Variants in BICC1 observed in about 807,000 individuals in gnomAD.
The protein encoded by BICC1 is BicC family RNA binding protein 1, also known as protein bicaudal C homolog 1.
In BICC1, 43 loss-of-function variants were observed where a neutral mutation model predicts 111.0. That is an observed-to-expected ratio of 0.39 (90% CI 0.30 to 0.50). The LOEUF is 0.50. Among genes scored for constraint, BICC1 ranks in the 20% least tolerant of loss-of-function variants. The pLI, the probability that BICC1 is intolerant of heterozygous loss-of-function variation, is 0.88. For missense variants in BICC1, 1,091 were observed against 1,203.2 expected (o/e 0.91, Z 1.38); for synonymous variants, 467 against 434.4 (o/e 1.07, Z -0.93).
chr10:58,814,029 T>G (rs761286794), intron 18 of BICC1, 43 bp downstream of exon 18: 1 of 1,607,010 alleles, frequency 6.2e-7, no homozygotes, highest in South Asian at 1.1e-5. Flanking sequence ...ATCCCCAGAT[T>G]AGAATGTGTT....
At chr10:58,525,261 C>T (rs2131836875) in intron 1 of BICC1, among the ~76,000 whole-genome samples, 1 of 122,856 alleles carries the variant, frequency 8.1e-6, no homozygotes, top group African/African-American at 2.7e-5. Context: ...ATAACATGCA[C>T]ATGTATGTTT....
intron 3 of BICC1, among the ~76,000 whole-genome samples, chr10:58,775,992 G>T (rs1842739969): frequency 6.6e-6 from 1 of 152,160 alleles, no homozygotes; most frequent in Non-Finnish European, 1.5e-5. Context: ...ACAAAACAAA[G>T]ATGAGAAATG....
At chr10:58,780,575 A>G (rs537249042) in intron 3 of BICC1, among the ~76,000 whole-genome samples, 28 of 152,286 alleles carry the variant, frequency 1.8e-4, no homozygotes, top group African/African-American at 6.7e-4. Flanking sequence ...AATGGCTGAC[A>G]TGAGTATTTT....
intron 1 of BICC1, among the ~76,000 whole-genome samples, chr10:58,605,255 T>C (rs757725224): frequency 3.9e-5 from 6 of 152,144 alleles, no homozygotes; most frequent in South Asian, 4.1e-4. Flanking sequence ...AAAAGACTTA[T>C]GATGAAAACA....
intron 1 of BICC1, among the ~76,000 whole-genome samples, chr10:58,567,180 A>T (rs1843793776): frequency 6.6e-6 from 1 of 152,148 alleles, no homozygotes; most frequent in Non-Finnish European, 1.5e-5. Context: ...AATGTCACAG[A>T]AAGCTTTCTA....
intron 1 of BICC1, among the ~76,000 whole-genome samples, chr10:58,555,856 A>G (rs1451542639): frequency 6.6e-6 from 1 of 152,160 alleles, no homozygotes; most frequent in East Asian, 1.9e-4. Context: ...ACTAAAGAGA[A>G]TCAGTTCTGT....
intron 1 of BICC1, among the ~76,000 whole-genome samples, chr10:58,612,571 T>A (rs1845464232): frequency 6.7e-6 from 1 of 148,600 alleles, no homozygotes; most frequent in South Asian, 2.1e-4. Flanking sequence ...ACAGCAGCCC[T>A]CTTAGTTGCA....
intron 1 of BICC1, among the ~76,000 whole-genome samples, chr10:58,595,290 A>G (rs932199143): frequency 5.8e-4 from 89 of 152,300 alleles, no homozygotes; most frequent in Non-Finnish European, 8.7e-4. Context: ...CCTACTGTCA[A>G]TATTAGACAG....
Position 58,807,148 on chromosome 10 carries a change from C to T in BICC1, c.2366C>T (p.Thr789Ile), listed in dbSNP as rs1461925249. The T allele has an allele frequency of 6.2e-7, 1 of 1,613,456 alleles. No homozygotes were observed. ...NHVSYKPTMT[T>I]TYEGSSMSLS... ...GTGTCCTATAAGCCCACAATGACAA[C>T]CACTTATGAGGTTTGTAGAGTCATG... is the stretch of plus-strand genomic sequence containing the variant. Residue 789 changes from threonine to isoleucine, a missense_variant, in exon 17 of 21, where the codon ACC becomes ATC. Transcript: ENST00000373886.
At chr10:58,725,117 G>C (rs1482832735) in intron 3 of BICC1, among the ~76,000 whole-genome samples, 1 of 152,124 alleles carries the variant, frequency 6.6e-6, no homozygotes, top group Non-Finnish European at 1.5e-5. Flanking sequence ...TTAACGTGTG[G>C]CTTACTTTCC....
intron 3 of BICC1, among the ~76,000 whole-genome samples, chr10:58,748,551 A>T (rs1259064258): frequency 1.4e-5 from 2 of 146,458 alleles, no homozygotes; most frequent in Non-Finnish European, 3.0e-5. Flanking sequence ...TTTTATCTTG[A>T]CGTAGGGTGG....
chr10:58,797,083 T>C (rs1199207565), intron 10 of BICC1, among the ~76,000 whole-genome samples: 1 of 152,192 alleles, frequency 6.6e-6, no homozygotes, highest in African/African-American at 2.4e-5. Context: ...AACGTCATCA[T>C]CTCAGAGCTT....
chr10:58,639,053 C>G (rs1838040456), intron 2 of BICC1, among the ~76,000 whole-genome samples: 1 of 151,988 alleles, frequency 6.6e-6, no homozygotes, highest in Non-Finnish European at 1.5e-5. Flanking sequence ...TTAACGTATG[C>G]ATTACTTCAT....
chr10:58,605,081 T>C (rs1269832997), intron 1 of BICC1, among the ~76,000 whole-genome samples: 3 of 152,228 alleles, frequency 2.0e-5, no homozygotes, highest in African/African-American at 7.2e-5. Context: ...TTTCAGCATA[T>C]GACTATGAAG....
chr10:58,647,074 T>C (rs940312275), intron 2 of BICC1, among the ~76,000 whole-genome samples: 17 of 152,208 alleles, frequency 1.1e-4, no homozygotes, highest in Non-Finnish European at 1.8e-4. Flanking sequence ...ATCATCTTCC[T>C]ATGGTAGATA....
intron 3 of BICC1, among the ~76,000 whole-genome samples, chr10:58,711,808 G>GT (rs57938764): frequency 0.92 from 130,582 of 142,598 alleles, 60,104 homozygotes; most frequent in South Asian, 0.98. Context: ...TTTTTTTTTT[G>GT]TTTTTTTTTT....
At chr10:58,595,569 A>C (rs895427120) in intron 1 of BICC1, among the ~76,000 whole-genome samples, 1 of 152,202 alleles carries the variant, frequency 6.6e-6, no homozygotes, top group African/African-American at 2.4e-5. Context: ...ACTCACTCAA[A>C]ACCACACAAC....
intron 1 of BICC1, among the ~76,000 whole-genome samples, chr10:58,556,484 T>C (rs530459254): frequency 1.3e-5 from 2 of 152,208 alleles, no homozygotes; most frequent in African/African-American, 4.8e-5. Flanking sequence ...TTGTATGGAG[T>C]TAAATTACCA....
At chr10:58,632,816 G>A (rs544083985) in intron 2 of BICC1, among the ~76,000 whole-genome samples, 6 of 151,920 alleles carry the variant, frequency 3.9e-5, no homozygotes, top group Non-Finnish European at 7.4e-5. Context: ...TTCTCATATA[G>A]CCCAGAAAAC....
Sources: allele counts gnomAD v4.1 joint callset (sites outside exome capture counted in the v4.1 genomes callset), GRCh38; gene constraint gnomAD v4.1.1; transcripts MANE v1.5; gene names NCBI Gene and HGNC (gene_info 2026-07-23, HGNC 2026-07-21).